Variants in USPL1 observed in about 807,000 individuals in gnomAD.
The protein encoded by USPL1 is ubiquitin specific peptidase like 1, also known as SUMO-specific isopeptidase USPL1.
Under a neutral mutation model 51.5 loss-of-function variants are expected in USPL1, and 27 were observed. The observed-to-expected ratio is 0.52, with a 90% confidence interval of 0.39 to 0.72. USPL1 has a LOEUF of 0.72. Ranked by LOEUF, USPL1 falls within the 30% of genes least tolerant of loss-of-function variation. The pLI is 0.00. For synonymous variants in USPL1, 451 were observed against 459.6 expected (o/e 0.98, Z 0.24); for missense variants, 1,226 against 1,268.0 (o/e 0.97, Z 0.50).
chr13:30,634,944 C>T (rs9579621), intron 4 of USPL1, among the ~76,000 whole-genome samples: 4,764 of 152,152 alleles, frequency 0.031, 250 homozygotes, highest in African/African-American at 0.1. Context: ...AAGAGGTTGT[C>T]GGCTCTATGT....
intron 8 of USPL1, among the ~76,000 whole-genome samples, chr13:30,656,549 T>A (rs1294701134): frequency 2.0e-5 from 3 of 152,266 alleles, no homozygotes; most frequent in Admixed American, 1.3e-4. Flanking sequence ...CATTCCTTTC[T>A]AAGGCTGAGT....
In USPL1 at chr13:30,659,377, T is replaced by C; in HGVS notation, c.*21T>C. On this transcript the variant is annotated 3_prime_UTR_variant, in exon 9 of 9. Transcript: ENST00000255304. The stretch of plus-strand genomic sequence containing the variant: ...ATTGAATTAATGCTTGTTAACTTTT[T>C]TCATATAATATTTATTATTATTAGA... 4 of 1,518,040 alleles carry C rather than the reference T, an allele frequency of 2.6e-6. No individual in the cohort carries two copies. The highest frequency in any genetic ancestry group is 3.5e-6 in the Non-Finnish European group (4 of 1,130,874). The allele number at this position is 1,518,040 out of a possible 1,614,324, so 94.0% of individuals were successfully genotyped here.
intron 3 of USPL1, among the ~76,000 whole-genome samples, chr13:30,622,734 G>T (rs1424596488): frequency 2.0e-5 from 3 of 152,168 alleles, no homozygotes; most frequent in Admixed American, 2.0e-4. Context: ...CCAGAATTCT[G>T]TGGTTTTGTA....
intron 7 of USPL1, among the ~76,000 whole-genome samples, chr13:30,652,902 T>TA (rs1224188031): frequency 6.6e-6 from 1 of 152,234 alleles, no homozygotes; most frequent in East Asian, 1.9e-4. Context: ...TGGTCTGTGT[T>TA]AGAGTCATAC....
At chr13:30,641,247 T>C (rs1206103374) in intron 5 of USPL1, among the ~76,000 whole-genome samples, 6 of 152,356 alleles carry the variant, frequency 3.9e-5, no homozygotes, top group Admixed American at 1.3e-4. Context: ...ATGATTGTTA[T>C]TGCTTAGGTA....
rs914296737 is a variant in USPL1 at position 30,659,606 on chromosome 13, A to G, written c.*250A>G. On this transcript the variant is annotated 3_prime_UTR_variant, in exon 9 of 9. Transcript: ENST00000255304. ...GAGTATGAGGATTTCAAAATGTTAA[A>G]GATGAAAAGTGGCGTCTAGTTTCTG... 1 of 364,440 alleles carries G rather than the reference A, an allele frequency of 2.7e-6. No individual in the cohort carries two copies. The highest frequency in any genetic ancestry group is 4.8e-6 in the Non-Finnish European group (1 of 206,916). 22.6% of individuals were successfully genotyped at this position (364,440 alleles called of 1,614,324 possible).
intron 3 of USPL1, among the ~76,000 whole-genome samples, chr13:30,626,175 G>C (rs1052817322): frequency 6.6e-6 from 1 of 152,120 alleles, no homozygotes; most frequent in Non-Finnish European, 1.5e-5. Context: ...ATAGCCGGGT[G>C]TGGTGGCATA....
chr13:30,660,397 C>T lies in USPL1; in HGVS notation c.*1041C>T, dbSNP rs1327278555. 2 of 152,264 alleles carry T rather than the reference C, an allele frequency of 1.3e-5. No homozygotes were observed. The highest frequency in any genetic ancestry group is 2.4e-5 in the African/African-American group (1 of 41,462). The allele number at this position is 152,264 out of a possible 1,614,324, so 9.4% of individuals were successfully genotyped here. On this transcript the variant is annotated 3_prime_UTR_variant, in exon 9 of 9. Transcript: ENST00000255304. ...CTTCCGAGCCTGCAAAAGCAGGCCC[C>T]CAAAAGTGCAGGGATGCCTGAGTCT...
At position 30,631,025 on chromosome 13, in the gene USPL1, A is replaced by C; in HGVS notation, c.419A>C (p.Lys140Thr). Residue 140 changes from lysine (K) to threonine (T), a missense_variant, in exon 4 of 9, where the codon AAA becomes ACA. Coordinates refer to ENST00000255304, the MANE Select transcript of USPL1 (RefSeq NM_005800.5). ...GACGGTGGAAAAGTTTTGAACAGCA[A>C]ACATAATGGAGAAGTATATGACGAA... The part of the protein sequence containing the change: ...AIDGGKVLNS[K>T]HNGEVYDETS... The C allele has an allele frequency of 6.2e-7, 1 of 1,614,146 alleles. No individual in the cohort carries two copies. The highest frequency in any genetic ancestry group is 1.1e-5 in the South Asian group (1 of 91,088).
intron 3 of USPL1, among the ~76,000 whole-genome samples, chr13:30,624,421 C>T (rs1285723525): frequency 6.6e-6 from 1 of 152,104 alleles, no homozygotes; most frequent in Non-Finnish European, 1.5e-5. Flanking sequence ...TGGAGACCAG[C>T]CCATGCAACA....
At position 30,630,929 on chromosome 13, in the gene USPL1, G is replaced by A. The variant is rs757341925; in HGVS notation, c.323G>A (p.Ser108Asn). 6.2e-7 allele frequency: 1 copy of A among 1,613,996 alleles called. No homozygotes were observed. The highest frequency in any genetic ancestry group is 1.3e-5 in the African/African-American group (1 of 74,932). ...HTPHKPQKRK[S>N]LESSYKDSLL... ...CCACATAAGCCTCAGAAAAGGAAGAGCTTAGAAAGCAGCTATAAGGATTCA... is the reference window on the plus strand; with the variant it reads ...CCACATAAGCCTCAGAAAAGGAAGAACTTAGAAAGCAGCTATAAGGATTCA... Residue 108 changes from serine to asparagine, a missense_variant, in exon 4 of 9, where the codon AGC becomes AAC. Physicochemically the swap from Ser to Asn is conservative, Grantham distance 46. Transcript: ENST00000255304.
At chr13:30,635,095 A>G (rs1950858107) in intron 4 of USPL1, among the ~76,000 whole-genome samples, 1 of 152,164 alleles carries the variant, frequency 6.6e-6, no homozygotes, top group Non-Finnish European at 1.5e-5. Flanking sequence ...GAGTTACATC[A>G]GATGTGTTGC....
At chr13:30,656,786 G>A (rs1467762002) in intron 8 of USPL1, among the ~76,000 whole-genome samples, 3 of 151,654 alleles carry the variant, frequency 2.0e-5, no homozygotes, top group Admixed American at 6.6e-5. Flanking sequence ...CCCCACCAGC[G>A]TTACACAAGG....
At chr13:30,641,302 C>T (rs1489887905) in intron 5 of USPL1, among the ~76,000 whole-genome samples, 1 of 152,280 alleles carries the variant, frequency 6.6e-6, no homozygotes, top group African/African-American at 2.4e-5. Context: ...GGTGACTGTT[C>T]CTGGCCATGT....
rs1412394112 is a variant in USPL1, at chr13:30,637,732, G to A, written c.869-12G>A. On this transcript the variant is annotated splice_polypyrimidine_tract_variant and intron_variant, in intron 4 of 8. Coordinates refer to ENST00000255304, the MANE Select transcript of USPL1 (RefSeq NM_005800.5). ...TGATGAGGAATTGATAATGTTCTCT[G>A]TATTTTCTTAGATGGAGATTGTAAA... 6.3e-7 allele frequency: 1 copy of A among 1,581,876 alleles called. No homozygotes were observed. Among genetic ancestry groups the A allele is most frequent in the Non-Finnish European group, 8.7e-7 (1 of 1,155,626 alleles).
At chr13:30,649,804 A>T (rs943696195) in intron 7 of USPL1, among the ~76,000 whole-genome samples, 1 of 152,106 alleles carries the variant, frequency 6.6e-6, no homozygotes, top group East Asian at 1.9e-4. Context: ...TTTCCTAAGG[A>T]TAGATCTTTA....
At chr13:30,639,080 G>C (rs187070352) in intron 5 of USPL1, among the ~76,000 whole-genome samples, 2 of 151,662 alleles carry the variant, frequency 1.3e-5, no homozygotes, top group African/African-American at 2.4e-5. Context: ...GCCGGGCGTG[G>C]TAGTGTGTGC....
chr13:30,621,760 T>C lies in USPL1; in HGVS notation c.100-4T>C, dbSNP rs1593357255. 6.8e-7 allele frequency: 1 copy of C among 1,480,912 alleles called. No homozygotes were observed. The highest frequency in any genetic ancestry group is 8.9e-7 in the Non-Finnish European group (1 of 1,117,976). 91.7% of individuals were successfully genotyped at this position (1,480,912 alleles called of 1,614,324 possible). A position where few individuals can be genotyped will look rare whatever the true frequency, so the allele number is the denominator to read the frequency against. ...TATTTTAATTTGCTTTATTTCTCTT[T>C]TAGAATTTTGATTCAGCTAAAGTTC... On this transcript the variant is annotated splice_region_variant and splice_polypyrimidine_tract_variant and intron_variant, in intron 2 of 8. Transcript: ENST00000255304.
Position 30,659,016 on chromosome 13 carries a change from C to T in USPL1, c.2939C>T (p.Pro980Leu). The part of the protein sequence containing the change: ...EILAELLSPT[P>L]VSTELSENGE... ...TTAGCGGAATTATTGTCTCCTACACCTGTTTCAACAGAGCTGTCAGAAAAT... is the reference window on the plus strand; with the variant it reads ...TTAGCGGAATTATTGTCTCCTACACTTGTTTCAACAGAGCTGTCAGAAAAT... The change falls in exon 9 of 9, where the codon CCT becomes CTT. Residue 980 changes from proline to leucine, a missense_variant. Pro to Leu is a moderately conservative substitution (Grantham distance 98). Transcript: ENST00000255304. 6.2e-7 allele frequency: 1 copy of T among 1,614,156 alleles called. No homozygotes were observed. Among genetic ancestry groups the T allele is most frequent in the South Asian group, 1.1e-5 (1 of 91,062 alleles).
Sources: allele counts gnomAD v4.1 joint callset (sites outside exome capture counted in the v4.1 genomes callset), GRCh38; gene constraint gnomAD v4.1.1; transcripts MANE v1.5; gene names NCBI Gene and HGNC (gene_info 2026-07-23, HGNC 2026-07-21).